RPS6KA5: variants seen among roughly 807,000 people sequenced by gnomAD.
RPS6KA5 encodes the protein ribosomal protein S6 kinase A5, also known as ribosomal protein S6 kinase alpha-5.
RPS6KA5 carries 27 observed loss-of-function variants against 85.5 expected under a neutral mutation model. The observed-to-expected ratio is 0.32, with a 90% confidence interval of 0.23 to 0.44. The LOEUF (loss-of-function observed/expected upper bound fraction) is 0.44. Among genes scored for constraint, RPS6KA5 ranks in the 20% least tolerant of loss-of-function variants. The pLI is 1.00. For synonymous variants in RPS6KA5, 334 were observed against 348.2 expected, an observed-to-expected ratio of 0.96 and a Z score of 0.46; for missense variants, 811 against 980.9, an observed-to-expected ratio of 0.83 and a Z score of 2.31.
At chr14:91,019,177 G>C (rs1242296216) in intron 1 of RPS6KA5, among the ~76,000 whole-genome samples, 1 of 152,084 alleles carries the variant, frequency 6.6e-6, no homozygotes, top group African/African-American at 2.4e-5. Flanking sequence ...AGACTTGTGG[G>C]AGTTAATTTT....
chr14:91,023,080 T>A (rs2041849379), intron 1 of RPS6KA5, among the ~76,000 whole-genome samples: 3 of 40,514 alleles, frequency 7.4e-5, no homozygotes, highest in East Asian at 1.1e-3. Flanking sequence ...TAAAACTCTA[T>A]CTAAAAAAAA....
chr14:90,875,549 T>C (rs1390597325), intron 14 of RPS6KA5, among the ~76,000 whole-genome samples, 189 bp from the exon 15 acceptor site: 2 of 152,176 alleles, frequency 1.3e-5, no homozygotes, highest in African/African-American at 4.8e-5. Context: ...ATCCCATCAC[T>C]GGGTATATAC....
rs73324658 is a variant in RPS6KA5, at chr14:90,912,041, G to C, written c.807-5742C>G. 5.7e-3 allele frequency among the ~76,000 whole-genome samples: 860 copies of C among 152,058 alleles called. 10 individuals are homozygous for C. The highest frequency in any genetic ancestry group is 0.016 in the South Asian group (76 of 4,824). On this transcript the variant is annotated intron_variant, in intron 7 of 16. Transcript: ENST00000614987. ...CCAACCCAGTCCGCATCTCCATCAT[G>C]AATGCTTCCCTGACAGCCCACCCCC...
chr14:90,969,300 C>A (rs896257577), intron 3 of RPS6KA5, among the ~76,000 whole-genome samples: 1 of 152,182 alleles, frequency 6.6e-6, no homozygotes, highest in African/African-American at 2.4e-5. Flanking sequence ...TTCTGACTTT[C>A]TAAGTACATA....
chr14:90,947,650 T>A, intron 3 of RPS6KA5, 100 bp from the exon 4 acceptor site: 1 of 681,068 alleles, frequency 1.5e-6, no homozygotes, highest in Non-Finnish European at 2.6e-6. Flanking sequence ...GCACTGATTT[T>A]AATATATTGC....
rs759792894 is a variant in RPS6KA5 at position 90,890,419 on chromosome 14, G to A, written c.1836+68C>T. ...TTCATGAATGTAAGGAAACAGTGAA[G>A]AGTGAGATAAGGAGAGAGGACACCA... On this transcript the variant is annotated intron_variant, in intron 14 of 16. Transcript: ENST00000614987. The A allele has an allele frequency of 5.4e-5, 72 of 1,321,488 alleles. 1 individual carries two copies. In the Middle Eastern group the frequency reaches 1.9e-3, roughly 36 times the overall value. The allele number at this position is 1,321,488 out of a possible 1,614,324, so 81.9% of individuals were successfully genotyped here.
At chr14:91,014,897 TTAAAAGTATATGAAGTATCTATG>T (rs2041420558) in intron 1 of RPS6KA5, among the ~76,000 whole-genome samples, 1 of 152,214 alleles carries the variant, frequency 6.6e-6, no homozygotes, top group Non-Finnish European at 1.5e-5. Context: ...ATAAAATGTT[TTAAAAGTATATGAAGTATCTATG>T]GGATTTCCAA....
chr14:91,012,410 T>C (rs1442002262), intron 1 of RPS6KA5, among the ~76,000 whole-genome samples: 3 of 152,240 alleles, frequency 2.0e-5, no homozygotes, highest in Admixed American at 2.0e-4. Flanking sequence ...AAAAAACAAC[T>C]ATATATGGTA....
intron 3 of RPS6KA5, among the ~76,000 whole-genome samples, chr14:90,950,761 CTTTA>C (rs2038132183): frequency 6.6e-6 from 1 of 152,096 alleles, no homozygotes; most frequent in Non-Finnish European, 1.5e-5. Flanking sequence ...ATGTAATTAT[CTTTA>C]TTTGTTACTG....
intron 3 of RPS6KA5, among the ~76,000 whole-genome samples, chr14:90,975,298 A>G (rs1235827285): frequency 2.6e-5 from 4 of 152,228 alleles, no homozygotes; most frequent in Non-Finnish European, 2.9e-5. Flanking sequence ...AAAGCTGGAT[A>G]AAGTCAGTCA....
chr14:91,047,306 G>A (rs2042915032), intron 1 of RPS6KA5, among the ~76,000 whole-genome samples: 1 of 152,152 alleles, frequency 6.6e-6, no homozygotes, highest in South Asian at 2.1e-4. Flanking sequence ...ACTTCTAAGT[G>A]GTGTAGGCCT....
In RPS6KA5 at chr14:90,978,538, G is replaced by GA; in HGVS notation, c.176-15dup. On this transcript the variant is annotated splice_polypyrimidine_tract_variant and intron_variant, in intron 2 of 16. Transcript: ENST00000614987. ...CTTTTCCATAAGCTGAAAATGAAAA[G>GA]AAAAAATAAAAAGAATTAAAATGCT... 1.3e-6 allele frequency: 2 copies of GA among 1,540,906 alleles called. No homozygotes were observed. The highest frequency in any genetic ancestry group is 1.8e-6 in the Non-Finnish European group (2 of 1,141,106).
At chr14:90,989,912 G>GT (rs1339791164) in intron 2 of RPS6KA5, among the ~76,000 whole-genome samples, 3 of 151,890 alleles carry the variant, frequency 2.0e-5, no homozygotes, top group Non-Finnish European at 4.4e-5. Context: ...AGGGATGATC[G>GT]TAAGAGCTTA....
intron 1 of RPS6KA5, among the ~76,000 whole-genome samples, chr14:91,023,435 C>T (rs1457115211): frequency 6.6e-6 from 1 of 151,962 alleles, no homozygotes; most frequent in African/African-American, 2.4e-5. Context: ...TACAGGCGTG[C>T]ACCACCATGC....
At chr14:91,044,361 AAG>A (rs57143721) in intron 1 of RPS6KA5, among the ~76,000 whole-genome samples, 3,896 of 18,176 alleles carry the variant, frequency 0.21, 146 homozygotes, top group East Asian at 0.51. Context: ...GAAAGAAAGA[AAG>A]AGAAAGAAAG....
At chr14:90,883,217 TTC>T (rs1278459527) in intron 14 of RPS6KA5, among the ~76,000 whole-genome samples, 2 of 152,194 alleles carry the variant, frequency 1.3e-5, no homozygotes, top group Non-Finnish European at 2.9e-5. Flanking sequence ...TCTTCCAATA[TTC>T]TCTCTGTCCC....
chr14:90,964,210 T>C (rs1259921275), intron 3 of RPS6KA5, among the ~76,000 whole-genome samples: 1 of 152,252 alleles, frequency 6.6e-6, no homozygotes, highest in Admixed American at 6.5e-5. Flanking sequence ...GTGGCTAAGC[T>C]GTGTATAGCA....
rs2031945773 is a variant in RPS6KA5 at position 90,850,479 on chromosome 14, A to ACC, written c.*21594_*21595insGG. ...GAAACCATACAAAAAAAAAAAAAAA[A>ACC]AACAGAAAATATTACATAACCAGGC... On this transcript the variant is annotated 3_prime_UTR_variant, in exon 17 of 17. Coordinates refer to ENST00000614987, the MANE Select transcript of RPS6KA5 (RefSeq NM_004755.4). 1 of 148,704 alleles carries ACC rather than the reference A, an allele frequency of 6.7e-6. No individual in the cohort carries two copies. Among genetic ancestry groups the ACC allele is most frequent in the Admixed American group, 6.7e-5 (1 of 14,942 alleles). The allele number at this position is 148,704 out of a possible 1,614,324, so 9.2% of individuals were successfully genotyped here.
At chr14:90,938,644 T>A (rs2037410551) in intron 5 of RPS6KA5, among the ~76,000 whole-genome samples, 1 of 152,218 alleles carries the variant, frequency 6.6e-6, no homozygotes, top group Admixed American at 6.5e-5. Context: ...ACCCACAGGC[T>A]CACTACCACA....
Sources: gnomAD v4.1 joint callset for allele counts (sites outside exome capture counted in the v4.1 genomes callset) on GRCh38, gnomAD v4.1.1 for gene constraint, MANE v1.5 for transcripts, NCBI Gene and HGNC (gene_info 2026-07-23, HGNC 2026-07-21) for gene names.